RSPH4A: variants seen among roughly 807,000 people sequenced by gnomAD.
The protein encoded by RSPH4A is radial spoke head component 4A, also known as radial spoke head protein 4 homolog A.
In RSPH4A, 47 loss-of-function variants were observed where a neutral mutation model predicts 71.0. That is an observed-to-expected ratio of 0.66 (90% CI 0.52 to 0.84). RSPH4A has a LOEUF of 0.84. RSPH4A is among the 40% of genes least tolerant of loss of function. The pLI is 0.00. For missense variants in RSPH4A, 793 were observed against 855.2 expected (o/e 0.93, Z 0.91); for synonymous variants, 282 against 302.3 (o/e 0.93, Z 0.70).
chr6:116,627,494 C>A, intron 2 of RSPH4A, 135 bp from the exon 3 acceptor site: 2 of 814,742 alleles, frequency 2.5e-6, no homozygotes, highest in Non-Finnish European at 4.1e-6. Flanking sequence ...CTGCACCCAG[C>A]CAATTTGATC....
At chr6:116,621,170 C>T (rs1238361235) in intron 1 of RSPH4A, among the ~76,000 whole-genome samples, 1 of 152,074 alleles carries the variant, frequency 6.6e-6, no homozygotes, top group Non-Finnish European at 1.5e-5. Flanking sequence ...CCATGAATTC[C>T]AACAGTGCAT....
intron 2 of RSPH4A, among the ~76,000 whole-genome samples, chr6:116,623,363 G>C (rs975285954): frequency 6.6e-6 from 1 of 152,136 alleles, no homozygotes; most frequent in Non-Finnish European, 1.5e-5. Context: ...TGGGATTACA[G>C]GCGTGAGCTA....
intron 4 of RSPH4A, 91 bp downstream of exon 4, chr6:116,629,793 C>T: frequency 8.0e-6 from 10 of 1,244,726 alleles, no homozygotes; most frequent in Middle Eastern, 2.7e-4. Context: ...TCGGAAAGCT[C>T]TAAAAACTGG....
rs1562391527 is a variant in RSPH4A, at chr6:116,627,736, GCTTA to G, written c.1032_1035del (p.Thr345IlefsTer19). On this transcript the variant is annotated frameshift_variant, in exon 3 of 6. Transcript: ENST00000229554. LOFTEE classifies it high-confidence loss of function. ...ACCGCATATTTCTTGCCCTCAAGCA[GCTTA>G]CTGATACCCACCCAATCCAAAGATG... is the stretch of plus-strand genomic sequence containing the variant. The G allele has an allele frequency of 6.2e-7, 1 of 1,614,190 alleles. No homozygotes were observed.
intron 2 of RSPH4A, among the ~76,000 whole-genome samples, 159 bp downstream of exon 2, chr6:116,623,161 T>C (rs1583348529): frequency 6.6e-6 from 1 of 151,506 alleles, no homozygotes; most frequent in African/African-American, 2.4e-5. Flanking sequence ...TACAATGGCG[T>C]GATCTTGGCT....
intron 1 of RSPH4A, among the ~76,000 whole-genome samples, chr6:116,620,504 G>A (rs563094138): frequency 6.6e-6 from 1 of 152,074 alleles, no homozygotes; most frequent in Admixed American, 6.5e-5. Flanking sequence ...ATCTGAAAAT[G>A]GTTTTTCATC....
intron 1 of RSPH4A, among the ~76,000 whole-genome samples, chr6:116,620,260 A>G (rs1221734163): frequency 1.3e-5 from 2 of 152,254 alleles, no homozygotes; most frequent in Non-Finnish European, 2.9e-5. Context: ...TTATTTTATA[A>G]TTGATATTAC....
chr6:116,622,657 T>A, intron 1 of RSPH4A, 111 bp from the exon 2 acceptor site: 1 of 732,648 alleles, frequency 1.4e-6, no homozygotes, highest in Non-Finnish European at 2.4e-6. Context: ...TGTTTTTTTC[T>A]TTTTCATTTA....
In RSPH4A at chr6:116,632,667, T is replaced by G. The variant is rs1333989155; in HGVS notation, c.*226T>G. 1 of 517,732 alleles carries G rather than the reference T, an allele frequency of 1.9e-6. No individual in the cohort carries two copies. Among genetic ancestry groups the G allele is most frequent in the Non-Finnish European group, 3.4e-6 (1 of 292,154 alleles). The allele number at this position is 517,732 out of a possible 1,614,324, so 32.1% of individuals were successfully genotyped here. On this transcript the variant is annotated 3_prime_UTR_variant, in exon 6 of 6. Coordinates refer to ENST00000229554, the MANE Select transcript of RSPH4A (RefSeq NM_001010892.3). ...AGGATTTTCCAGAGGCTAAATAACA[T>G]GCAATTGCATAATTGTTCTGAGGGT...
intron 5 of RSPH4A, 43 bp from the exon 6 acceptor site, chr6:116,632,164 T>TTA (rs1390669763): frequency 1.4e-6 from 2 of 1,442,976 alleles, no homozygotes; most frequent in Non-Finnish European, 1.9e-6. Context: ...TTCTGAGAAA[T>TTA]TATATAATGA....
chr6:116,626,514 TG>T (rs1775696559), intron 2 of RSPH4A, among the ~76,000 whole-genome samples: 1 of 152,036 alleles, frequency 6.6e-6, no homozygotes, highest in Admixed American at 6.6e-5. Flanking sequence ...GCTGACTTTT[TG>T]TATTTTTAGT....
In RSPH4A at chr6:116,628,017, C is replaced by G; in HGVS notation, c.1310C>G (p.Pro437Arg). 6.2e-7 allele frequency: 1 copy of G among 1,614,126 alleles called. No homozygotes were observed. The highest frequency in any genetic ancestry group is 8.5e-7 in the Non-Finnish European group (1 of 1,180,014). The stretch of plus-strand genomic sequence containing the variant: ...TATGTCTATTTTGTTTGCAATGAAC[C>G]AGGAAGACCATGGGTGAAGTTACCA... Reference protein sequence around the residue: ...NKYVYFVCNEPGRPWVKLPPV... With the variant: ...NKYVYFVCNERGRPWVKLPPV... Residue 437 changes from proline to arginine, a missense_variant, in exon 3 of 6, where the codon CCA (proline) becomes CGA (arginine). Transcript: ENST00000229554.
At chr6:116,620,887 C>G (rs1026210681) in intron 1 of RSPH4A, among the ~76,000 whole-genome samples, 2 of 152,122 alleles carry the variant, frequency 1.3e-5, no homozygotes, top group African/African-American at 4.8e-5. Flanking sequence ...GAGACAGAGT[C>G]TCACGTTGTC....
intron 2 of RSPH4A, among the ~76,000 whole-genome samples, chr6:116,625,517 T>C (rs2115359022): frequency 6.6e-6 from 1 of 152,198 alleles, no homozygotes; most frequent in Non-Finnish European, 1.5e-5. Flanking sequence ...ACTTTTGGTT[T>C]AGAAAGATAA....
intron 2 of RSPH4A, among the ~76,000 whole-genome samples, chr6:116,626,534 G>C (rs1295915963): frequency 1.3e-5 from 2 of 151,874 alleles, no homozygotes; most frequent in African/African-American, 2.4e-5. Context: ...GTAGAGATGG[G>C]GTTTCACCAT....
intron 1 of RSPH4A, among the ~76,000 whole-genome samples, chr6:116,617,921 C>T (rs556596530): frequency 6.6e-6 from 1 of 152,162 alleles, no homozygotes; most frequent in African/African-American, 2.4e-5. Flanking sequence ...TTCTGCCCAT[C>T]CCATTATAGC....
chr6:116,630,600 C>G, intron 5 of RSPH4A, 48 bp downstream of exon 5: 1 of 856,006 alleles, frequency 1.2e-6, no homozygotes. Flanking sequence ...TAGTTAAGCT[C>G]TGGAAATTAT....
intron 1 of RSPH4A, among the ~76,000 whole-genome samples, chr6:116,622,398 G>A (rs1775624855): frequency 6.6e-6 from 1 of 152,182 alleles, no homozygotes; most frequent in African/African-American, 2.4e-5. Context: ...TGTACCTGAT[G>A]TGGAATACGT....
chr6:116,631,314 G>C lies in RSPH4A; in HGVS notation c.1916+762G>C, dbSNP rs996338556. Among the ~76,000 whole-genome samples, 6 of 152,182 alleles carry C rather than the reference G, an allele frequency of 3.9e-5. No homozygotes were observed. The South Asian group carries it at 1.2e-3, about 32-fold the overall frequency. On this transcript the variant is annotated intron_variant, in intron 5 of 5. Transcript: ENST00000229554. The stretch of plus-strand genomic sequence containing the variant: ...CATTAAAGCAACAAGCTAAAAATGA[G>C]AGTTAAGCCTTTAATCATTTACTGT...
Sources: allele counts gnomAD v4.1 joint callset (sites outside exome capture counted in the v4.1 genomes callset), GRCh38; gene constraint gnomAD v4.1.1; transcripts MANE v1.5; gene names NCBI Gene and HGNC (gene_info 2026-07-23, HGNC 2026-07-21).